The following ECSCR variants were observed in gnomAD, a reference collection of about 807,000 sequenced individuals.
ECSCR encodes the protein endothelial cell surface expressed chemotaxis and apoptosis regulator, also known as endothelial cell-specific chemotaxis regulator.
A neutral mutation model predicts 16.7 loss-of-function variants in ECSCR; 12 were observed. The ratio of observed to expected loss-of-function variants is 0.72; its 90% confidence interval spans 0.46 to 1.17. The LOEUF (loss-of-function observed/expected upper bound fraction) is 1.17, where lower values mean the gene tolerates loss of function less well. Among genes scored for constraint, ECSCR ranks in the 50% most tolerant of loss-of-function variants. The pLI is 0.00. For missense variants in ECSCR, 122 were observed against 116.1 expected, an observed-to-expected ratio of 1.05 and a Z score of -0.23; for synonymous variants, 44 against 42.2, an observed-to-expected ratio of 1.04 and a Z score of -0.17.
chr5:139,451,119 G>A (rs959762435), intron 8 of ECSCR, among the ~76,000 whole-genome samples: 1 of 151,136 alleles, frequency 6.6e-6, no homozygotes, highest in Non-Finnish European at 1.5e-5. Context: ...GTGTATATGT[G>A]TGGTATGGGG....
chr5:139,458,056 G>A lies in ECSCR; in HGVS notation c.106+83C>T. ...TGCGGCCCCAGCCCCCTGAGGTTAAGGCTAAATTGGCATAGAGCTCCTCTC... is the reference window on the plus strand; with the variant it reads ...TGCGGCCCCAGCCCCCTGAGGTTAAAGCTAAATTGGCATAGAGCTCCTCTC... On this transcript the variant is annotated intron_variant, in intron 2 of 9. Transcript: ENST00000618155. 3 of 1,440,142 alleles carry A rather than the reference G, an allele frequency of 2.1e-6. No homozygotes were observed. In the South Asian group the frequency reaches 3.7e-5, roughly 18 times the overall value. The allele number at this position is 1,440,142 out of a possible 1,614,324, so 89.2% of individuals were successfully genotyped here.
At chr5:139,457,851 T>C in intron 2 of ECSCR, 44 bp from the exon 3 acceptor site, 2 of 1,564,026 alleles carry the variant, frequency 1.3e-6, no homozygotes, top group Non-Finnish European at 1.7e-6. Flanking sequence ...CGCCTCCTAC[T>C]GTTCCATCTC....
chr5:139,458,319 TG>T, intron 1 of ECSCR, 136 bp from the exon 2 acceptor site: 1 of 806,460 alleles, frequency 1.2e-6, no homozygotes, highest in Non-Finnish European at 1.9e-6. Flanking sequence ...AATTTTGTTT[TG>T]TTTTGTTTTT....
At position 139,455,814 on chromosome 5, in the gene ECSCR, T is replaced by TAAA. The variant is rs1187505493; in HGVS notation, c.263-381_263-379dup. Among the ~76,000 whole-genome samples, 21 of 49,084 alleles carry TAAA rather than the reference T, an allele frequency of 4.3e-4. 1 individual carries two copies. Among genetic ancestry groups the TAAA allele is most frequent in the African/African-American group, 8.4e-4 (11 of 13,032 alleles). The allele number at this position is 49,084 out of a possible 152,430, so 32.2% of individuals were successfully genotyped here. On this transcript the variant is annotated intron_variant, in intron 5 of 9. Transcript: ENST00000618155. ...CAACATGGTGAAACCCCATCTCTCC[T>TAAA]AAAAAAAAAAAAAAAAAAAAAAAAA... is the stretch of plus-strand genomic sequence containing the variant.
chr5:139,454,977 C>CAA (rs1428255233), intron 6 of ECSCR, 54 bp from the exon 7 acceptor site: 1 of 398,660 alleles, frequency 2.5e-6, no homozygotes, highest in Non-Finnish European at 4.4e-6. Context: ...ACAAAGGGGC[C>CAA]AACAAGAGTC....
At chr5:139,449,539 A>C (rs1251329322) in intron 8 of ECSCR, among the ~76,000 whole-genome samples, 1 of 151,978 alleles carries the variant, frequency 6.6e-6, no homozygotes, top group Non-Finnish European at 1.5e-5. Flanking sequence ...GGATTTTACC[A>C]TGTTGGCCAG....
At chr5:139,457,961 C>T (rs1751196616) in intron 2 of ECSCR, 154 bp from the exon 3 acceptor site, 1 of 609,324 alleles carries the variant, frequency 1.6e-6, no homozygotes, top group Non-Finnish European at 2.1e-6. Flanking sequence ...GTACATTAGA[C>T]TCAGCTAGGC....
In ECSCR at chr5:139,457,541, G is replaced by T. The variant is rs1751185094; in HGVS notation, c.217+4C>A. ...TGGCATTTGTAGTCTGAATGACACAGTACCTGGGGTACCAGTGCTGGACAG... is the reference window on the plus strand; with the variant it reads ...TGGCATTTGTAGTCTGAATGACACATTACCTGGGGTACCAGTGCTGGACAG... On this transcript the variant is annotated splice_donor_region_variant and intron_variant, in intron 4 of 9. Coordinates refer to ENST00000618155, the MANE Select transcript of ECSCR (RefSeq NM_001077693.4). 1.3e-6 allele frequency: 1 copy of T among 784,136 alleles called. No homozygotes were observed. Among genetic ancestry groups the T allele is most frequent in the Non-Finnish European group, 2.4e-6 (1 of 420,962 alleles). 48.6% of individuals were successfully genotyped at this position (784,136 alleles called of 1,614,324 possible).
chr5:139,450,335 T>G lies in ECSCR; in HGVS notation c.513-1161A>C, dbSNP rs142854237. 6.3e-3 allele frequency among the ~76,000 whole-genome samples: 963 copies of G among 152,094 alleles called. 19 individuals are homozygous for G. The highest frequency in any genetic ancestry group is 0.022 in the African/African-American group (907 of 41,448). On this transcript the variant is annotated intron_variant, in intron 8 of 9. Transcript: ENST00000618155. ...CTGGCCAACATAGTGACATCTTATA[T>G]CTATTAAAAAAATTAAAAATTAGCT...
intron 8 of ECSCR, 47 bp from the exon 9 acceptor site, chr5:139,449,221 C>T (rs1235516264): frequency 7.3e-7 from 1 of 1,372,784 alleles, no homozygotes; most frequent in East Asian, 2.5e-5. Context: ...GAGGGCAGGG[C>T]AATGGGGAGT....
chr5:139,457,387 C>A (rs952780094), intron 4 of ECSCR, among the ~76,000 whole-genome samples, 158 bp downstream of exon 4: 1 of 152,150 alleles, frequency 6.6e-6, no homozygotes, highest in Non-Finnish European at 1.5e-5. Flanking sequence ...TGGTGCCCAC[C>A]GCAGCCCTTC....
intron 8 of ECSCR, among the ~76,000 whole-genome samples, chr5:139,451,216 GGT>G (rs1163390474): frequency 6.7e-6 from 1 of 148,858 alleles, no homozygotes; most frequent in South Asian, 2.1e-4. Flanking sequence ...TGTGGTATGG[GGT>G]GTGTGTGTGG....
intron 1 of ECSCR, among the ~76,000 whole-genome samples, chr5:139,460,996 C>T: frequency 6.6e-6 from 1 of 151,940 alleles, no homozygotes; most frequent in Middle Eastern, 3.2e-3. Context: ...CTTGTCTCTA[C>T]AAAAAAATGC....
At chr5:139,458,281 A>G (rs1751205820) in intron 1 of ECSCR, 98 bp from the exon 2 acceptor site, 2 of 1,147,556 alleles carry the variant, frequency 1.7e-6, no homozygotes, top group African/African-American at 3.2e-5. Context: ...AGCCTGGGCA[A>G]CATAGCAAGA....
chr5:139,449,368 C>T (rs1291627999), intron 8 of ECSCR, among the ~76,000 whole-genome samples, 194 bp from the exon 9 acceptor site: 2 of 152,108 alleles, frequency 1.3e-5, no homozygotes, highest in Non-Finnish European at 2.9e-5. Flanking sequence ...GATGGAGTCT[C>T]GCTCTGTCGC....
chr5:139,461,866 G>A (rs1050629278), intron 1 of ECSCR, among the ~76,000 whole-genome samples: 1 of 152,240 alleles, frequency 6.6e-6, no homozygotes, highest in African/African-American at 2.4e-5. Flanking sequence ...GAGCAGGAAT[G>A]GTCAAAGGGA....
intron 1 of ECSCR, among the ~76,000 whole-genome samples, chr5:139,458,546 AAAAAG>A (rs1054166645): frequency 1.3e-5 from 2 of 148,234 alleles, no homozygotes; most frequent in African/African-American, 2.5e-5. Flanking sequence ...AAGAAAAAGA[AAAAAG>A]AAAAGAAAAC....
intron 1 of ECSCR, among the ~76,000 whole-genome samples, chr5:139,460,457 A>T (rs1023099306): frequency 1.3e-5 from 2 of 152,182 alleles, no homozygotes; most frequent in African/African-American, 4.8e-5. Flanking sequence ...TAAATGCTGT[A>T]AGGTTATAAC....
At chr5:139,459,724 C>T (rs184711358) in intron 1 of ECSCR, among the ~76,000 whole-genome samples, 2 of 152,348 alleles carry the variant, frequency 1.3e-5, no homozygotes, top group East Asian at 3.9e-4. Flanking sequence ...GGCTCTGCTG[C>T]TCCCTTGGTC....
Sources: allele counts gnomAD v4.1 joint callset (sites outside exome capture counted in the v4.1 genomes callset), GRCh38; gene constraint gnomAD v4.1.1; transcripts MANE v1.5; gene names NCBI Gene and HGNC (gene_info 2026-07-23, HGNC 2026-07-21).